DCTN6: variants seen among roughly 807,000 people sequenced by gnomAD.
DCTN6 encodes dynactin subunit 6.
DCTN6 carries 15 observed loss-of-function variants against 25.8 expected under a neutral mutation model. The ratio of observed to expected loss-of-function variants is 0.58; its 90% CI spans 0.39 to 0.89. The LOEUF (loss-of-function observed/expected upper bound fraction) is 0.89. Among genes scored for constraint, DCTN6 ranks in the 40% least tolerant of loss-of-function variants. DCTN6 has a pLI of 0.00. For synonymous variants in DCTN6, 64 were observed against 78.3 expected (o/e 0.82, Z 0.96); for missense variants, 198 against 237.6 (o/e 0.83, Z 1.09).
chr8:30,156,513 C>T (rs1449522850), intron 1 of DCTN6, 107 bp downstream of exon 1: 9 of 1,356,022 alleles, frequency 6.6e-6, no homozygotes, highest in African/African-American at 1.4e-5. Flanking sequence ...CCTGGGCATT[C>T]GGGCCGAAGG....
At chr8:30,175,503 G>T (rs1472563427) in intron 3 of DCTN6, among the ~76,000 whole-genome samples, 1 of 151,302 alleles carries the variant, frequency 6.6e-6, no homozygotes, top group Non-Finnish European at 1.5e-5. Flanking sequence ...AAGCCTCCAA[G>T]TGCTGTGCCC....
Position 30,176,630 on chromosome 8 carries a change from C to G in DCTN6, c.195-496C>G, listed in dbSNP as rs370594926. On this transcript the variant is annotated intron_variant, in intron 3 of 6. Coordinates refer to ENST00000221114, the MANE Select transcript of DCTN6 (RefSeq NM_006571.4). ...TTCACTTTTCAGTAGCTCTCTTCAACTCAAAATCAAGCCTTCTCTAGCACA... is the reference window on the plus strand; with the variant it reads ...TTCACTTTTCAGTAGCTCTCTTCAAGTCAAAATCAAGCCTTCTCTAGCACA... The G allele has an allele frequency of 1.8e-4, 27 of 153,338 alleles. 1 individual carries two copies. The South Asian group carries it at 5.5e-3, about 31-fold the overall frequency. 9.5% of individuals were successfully genotyped at this position (153,338 alleles called of 1,614,324 possible).
Position 30,183,411 on chromosome 8 carries a change from T to C in DCTN6, c.*238T>C. 1 of 325,394 alleles carries C rather than the reference T, an allele frequency of 3.1e-6. No homozygotes were observed. Among genetic ancestry groups the C allele is most frequent in the Admixed American group, 4.7e-5 (1 of 21,200 alleles). 20.2% of individuals were successfully genotyped at this position (325,394 alleles called of 1,614,324 possible). ...TGATAATTTACAGATTTAGCTTTTCTTTTGTTATATAAACTGCTAGCCACA... is the reference window on the plus strand; with the variant it reads ...TGATAATTTACAGATTTAGCTTTTCCTTTGTTATATAAACTGCTAGCCACA... On this transcript the variant is annotated 3_prime_UTR_variant, in exon 7 of 7. Coordinates refer to ENST00000221114, the MANE Select transcript of DCTN6 (RefSeq NM_006571.4).
At position 30,180,528 on chromosome 8, in the gene DCTN6, C is replaced by T; in HGVS notation, c.372C>T (p.Ile124=). The T allele has an allele frequency of 1.2e-6, 2 of 1,613,954 alleles. No homozygotes were observed. Among genetic ancestry groups the T allele is most frequent in the Non-Finnish European group, 1.7e-6 (2 of 1,179,956 alleles). ...GRNVILTSGC[I]IGACCNLNTF... ...ATGTAATATTGACAAGTGGCTGCAT[C>T]ATTGGGGCTTGTTGCAACCTAAATA... Residue 124 remains isoleucine (I), a synonymous_variant, in exon 6 of 7, where the codon ATC becomes ATT. Coordinates refer to ENST00000221114, the MANE Select transcript of DCTN6 (RefSeq NM_006571.4).
At chr8:30,176,004 G>A (rs1803827388) in intron 3 of DCTN6, among the ~76,000 whole-genome samples, 1 of 152,172 alleles carries the variant, frequency 6.6e-6, no homozygotes, top group Non-Finnish European at 1.5e-5. Flanking sequence ...ATTTAAAAAT[G>A]GCGTCCACCT....
At chr8:30,166,957 GAGGGAGGAAGGGAAGAAAGGAAGGA>G (rs1803684735) in intron 2 of DCTN6, among the ~76,000 whole-genome samples, 1 of 151,340 alleles carries the variant, frequency 6.6e-6, no homozygotes, top group Admixed American at 6.6e-5. Flanking sequence ...GAGAGGAAGG[GAGGGAGGAAGGGAAGAAAGGAAGGA>G]AGGGAGGAAG....
chr8:30,179,150 T>C (rs528418914), intron 4 of DCTN6, among the ~76,000 whole-genome samples: 2 of 152,304 alleles, frequency 1.3e-5, no homozygotes, highest in South Asian at 4.1e-4. Context: ...ATTATGAAAA[T>C]ATTTTACTCA....
chr8:30,175,255 T>A, intron 3 of DCTN6, 65 bp downstream of exon 3: 1 of 1,401,792 alleles, frequency 7.1e-7, no homozygotes, highest in Non-Finnish European at 9.9e-7. Context: ...ATTTCAGCTG[T>A]CTGTAAGAAC....
At chr8:30,177,758 A>G (rs2117597179) in intron 4 of DCTN6, among the ~76,000 whole-genome samples, 1 of 152,342 alleles carries the variant, frequency 6.6e-6, no homozygotes, top group African/African-American at 2.4e-5. Flanking sequence ...TAGGTCATCT[A>G]GCTCTTTGAA....
At chr8:30,156,609 G>A (rs962084002) in intron 1 of DCTN6, among the ~76,000 whole-genome samples, 4 of 152,118 alleles carry the variant, frequency 2.6e-5, no homozygotes, top group African/African-American at 9.7e-5. Flanking sequence ...CGGAGTCGCT[G>A]CCTGGAAGGT....
chr8:30,165,455 AC>A (rs112907115), intron 2 of DCTN6, among the ~76,000 whole-genome samples: 1 of 150,380 alleles, frequency 6.6e-6, no homozygotes, highest in African/African-American at 2.5e-5. Context: ...AAAAAAAAAA[AC>A]CCTGTAACGT....
At chr8:30,162,995 T>A (rs1803616559) in intron 1 of DCTN6, among the ~76,000 whole-genome samples, 1 of 151,024 alleles carries the variant, frequency 6.6e-6, no homozygotes, top group African/African-American at 2.4e-5. Flanking sequence ...ATTCCATATT[T>A]TTTTTTTTAA....
intron 2 of DCTN6, among the ~76,000 whole-genome samples, chr8:30,169,128 T>C (rs2117585319): frequency 6.6e-6 from 1 of 152,346 alleles, no homozygotes; most frequent in Admixed American, 6.5e-5. Flanking sequence ...TTAGTCTCTC[T>C]AGGAGAGTTT....
intron 1 of DCTN6, among the ~76,000 whole-genome samples, chr8:30,157,708 T>G (rs543458417): frequency 3.3e-5 from 5 of 152,264 alleles, no homozygotes; most frequent in African/African-American, 1.2e-4. Flanking sequence ...TTGGTGGCTG[T>G]TGGTGGCTGG....
intron 4 of DCTN6, among the ~76,000 whole-genome samples, chr8:30,178,799 T>C (rs1803877733): frequency 6.6e-6 from 1 of 152,068 alleles, no homozygotes; most frequent in Non-Finnish European, 1.5e-5. Flanking sequence ...GCTGGAATTA[T>C]AGGTGCACAC....
intron 2 of DCTN6, among the ~76,000 whole-genome samples, chr8:30,165,342 G>T (rs1029722757): frequency 1.3e-5 from 2 of 151,432 alleles, no homozygotes; most frequent in African/African-American, 4.9e-5. Flanking sequence ...ACCAGCAGCC[G>T]CATGTCACCT....
intron 2 of DCTN6, among the ~76,000 whole-genome samples, chr8:30,165,441 TG>T (rs1803652264): frequency 7.1e-6 from 1 of 141,638 alleles, no homozygotes. Context: ...GTTTCTTTAA[TG>T]AAAAAAAAAA....
intron 1 of DCTN6, among the ~76,000 whole-genome samples, chr8:30,163,322 A>G (rs1803621352): frequency 2.0e-5 from 3 of 152,162 alleles, no homozygotes; most frequent in African/African-American, 2.4e-5. Flanking sequence ...AGGTCTCACT[A>G]TGTTGCCCAG....
chr8:30,168,263 T>C (rs1803713673), intron 2 of DCTN6, among the ~76,000 whole-genome samples: 2 of 152,250 alleles, frequency 1.3e-5, no homozygotes, highest in Non-Finnish European at 2.9e-5. Flanking sequence ...TTCAACTGTA[T>C]AATATGGGAA....
Sources: allele counts gnomAD v4.1 joint callset (sites outside exome capture counted in the v4.1 genomes callset), GRCh38; gene constraint gnomAD v4.1.1; transcripts MANE v1.5; gene names NCBI Gene and HGNC (gene_info 2026-07-23, HGNC 2026-07-21).